The following GET1 variants were observed in gnomAD, a reference collection of about 807,000 sequenced individuals.
GET1 encodes the protein guided entry of tail-anchored proteins factor 1, also known as congenital heart disease 5 protein.
In GET1, 20 loss-of-function variants were observed where a neutral mutation model predicts 22.6. The ratio of observed to expected loss-of-function variants is 0.89; its 90% confidence interval spans 0.62 to 1.29. The LOEUF (loss-of-function observed/expected upper bound fraction) is 1.29. GET1 is among the 50% of genes most tolerant of loss of function. The pLI is 0.00. For missense variants in GET1, 209 were observed against 219.9 expected (o/e 0.95, Z 0.31); for synonymous variants, 92 against 83.8 (o/e 1.10, Z -0.53).
Position 39,419,543 on chromosome 21 carries a change from GAAAA to G in GET1, c.*23+8609_*23+8612del, listed in dbSNP as rs1601803834. ...CTGTTCAAAAAAAAAAAAGAAAAAA[GAAAA>G]AAGAAAGAAAGGGAAATTATTGATA... On this transcript the variant is annotated intron_variant, in intron 1 of 1. Coordinates refer to the GET1 transcript ENST00000478273. Among the ~76,000 whole-genome samples the G allele has an allele frequency of 1.4e-5, 2 of 138,834 alleles. 1 individual carries two copies. The allele number at this position is 138,834 out of a possible 152,430, so 91.1% of individuals were successfully genotyped here. A position where few individuals can be genotyped will look rare whatever the true frequency, so the allele number is the denominator to read the frequency against.
rs772467484 is a variant in GET1, at chr21:39,380,448, A to C, written c.64A>C (p.Asn22His). Residue 22 changes from asparagine (N) to histidine (H), a missense_variant, in exon 1 of 5, where the codon AAT (asparagine) becomes CAT (histidine). Asn to His is a moderately conservative substitution (Grantham distance 68, BLOSUM62 1). Coordinates refer to ENST00000649170, the MANE Select transcript of GET1 (RefSeq NM_004627.6). ...GGTGCTCAGCTTCGTGTTTGGATGC[A>C]ATGTTCTTAGGATCCTCCTCCCGTC... ...LLVLSFVFGC[N>H]VLRILLPSFS... The C allele has an allele frequency of 1.9e-6, 3 of 1,613,294 alleles. No individual in the cohort carries two copies. Among genetic ancestry groups the C allele is most frequent in the Admixed American group, 3.3e-5 (2 of 59,942 alleles).
intron 4 of GET1, chr21:39,405,760 G>T (rs2039005497): frequency 3.0e-6 from 2 of 664,908 alleles, no homozygotes; most frequent in Admixed American, 3.7e-5. Flanking sequence ...ATTATCGAAA[G>T]TCAATTAAGT....
At chr21:39,402,752 C>A (rs2038870944), downstream of GET1, among the ~76,000 whole-genome samples, 1 of 152,146 alleles carries the variant, frequency 6.6e-6, no homozygotes, top group African/African-American at 2.4e-5. Flanking sequence ...TTTTAAAAAT[C>A]TTTTTTCCAT....
chr21:39,394,163 C>T (rs2038489614), intron 4 of GET1, among the ~76,000 whole-genome samples: 1 of 151,920 alleles, frequency 6.6e-6, no homozygotes, highest in South Asian at 2.1e-4. Context: ...AACCCTATCT[C>T]TACTAAAATA....
chr21:39,390,781 A>G lies in GET1; in HGVS notation c.186A>G (p.Thr62=), dbSNP rs1198565735. The G allele has an allele frequency of 1.2e-6, 2 of 1,614,220 alleles. No homozygotes were observed. Among genetic ancestry groups the G allele is most frequent in the Non-Finnish European group, 1.7e-6 (2 of 1,180,038 alleles). ...AGGACATGAAGCAGGAGCTCTCCACAGTCAACATGATGGACGAGTTTGCCA... is the reference window on the plus strand; with the variant it reads ...AGGACATGAAGCAGGAGCTCTCCACGGTCAACATGATGGACGAGTTTGCCA... The part of the protein sequence containing the change: ...EIQDMKQELS[T]VNMMDEFARY... The change falls in exon 2 of 5, where the codon ACA becomes ACG. Residue 62 remains threonine (T), a synonymous_variant. Transcript: ENST00000649170.
At position 39,414,868 on chromosome 21, in the gene GET1, T is replaced by C. The variant is rs999954152; in HGVS notation, c.*23+3931T>C. Among the ~76,000 whole-genome samples the C allele has an allele frequency of 2.8e-4, 42 of 152,068 alleles. 1 individual carries two copies. Among genetic ancestry groups the C allele is most frequent in the African/African-American group, 5.1e-4 (21 of 41,396 alleles). The stretch of plus-strand genomic sequence containing the variant: ...CCCTTTTTATCTTCCAGAAATTCTT[T>C]GTTAGATCTGGTAGTTTTGGTATTC... On this transcript the variant is annotated intron_variant, in intron 1 of 1. Coordinates refer to the GET1 transcript ENST00000478273.
chr21:39,391,577 T>A, intron 2 of GET1, 192 bp from the exon 3 acceptor site: 4 of 547,252 alleles, frequency 7.3e-6, no homozygotes, highest in Admixed American at 6.6e-5. Flanking sequence ...AGTCGGATAC[T>A]ATTTTAAATA....
At chr21:39,383,839 C>G (rs2037717129) in intron 1 of GET1, among the ~76,000 whole-genome samples, 1 of 152,160 alleles carries the variant, frequency 6.6e-6, no homozygotes. Context: ...CTCCCAGGTT[C>G]AAGCAATTCT....
At chr21:39,381,900 G>C (rs1282178576) in intron 1 of GET1, among the ~76,000 whole-genome samples, 5 of 151,984 alleles carry the variant, frequency 3.3e-5, no homozygotes, top group Non-Finnish European at 5.9e-5. Context: ...ACCACGCCCA[G>C]GTATTTTTTT....
rs141686637 is a variant in GET1 at position 39,420,800 on chromosome 21, C to T, written c.*24-7432C>T. 57 of 1,612,622 alleles carry T rather than the reference C, an allele frequency of 3.5e-5. 1 individual carries two copies. The highest frequency in any genetic ancestry group is 4.4e-5 in the South Asian group (4 of 91,006). On this transcript the variant is annotated intron_variant, in intron 1 of 1. Transcript: ENST00000478273. ...CTTCCGAGTCTCAATAGCCAGCTGC[C>T]GGCTAAAGGCTCTGCAGTTCAACCT... is the stretch of plus-strand genomic sequence containing the variant.
downstream of GET1, among the ~76,000 whole-genome samples, chr21:39,407,310 C>G (rs2039244414): frequency 6.6e-6 from 1 of 152,122 alleles, no homozygotes; most frequent in South Asian, 2.1e-4. Flanking sequence ...ATCCAATTGG[C>G]AAATAATTTC....
At chr21:39,389,318 G>C (rs923688358) in intron 1 of GET1, among the ~76,000 whole-genome samples, 1 of 151,300 alleles carries the variant, frequency 6.6e-6, no homozygotes, top group African/African-American at 2.4e-5. Flanking sequence ...GTCTCACCCT[G>C]TCGCCCAGGC....
chr21:39,406,938 CAA>C (rs199584521), downstream of GET1, among the ~76,000 whole-genome samples: 583 of 152,200 alleles, frequency 3.8e-3, 2 homozygotes, highest in African/African-American at 0.013. Context: ...CCAGTTGAAA[CAA>C]TGATGGCTGG....
chr21:39,423,398 T>A, intron 1 of GET1: 1 of 1,609,134 alleles, frequency 6.2e-7, no homozygotes, highest in East Asian at 2.2e-5. Flanking sequence ...CGATGAGCCA[T>A]AGCATCTCTT....
intron 1 of GET1, 176 bp downstream of exon 1, chr21:39,380,662 C>T: frequency 7.1e-7 from 1 of 1,418,322 alleles, no homozygotes; most frequent in Non-Finnish European, 9.2e-7. Context: ...ACGCTTTACC[C>T]CAAAATCAGA....
intron 4 of GET1, among the ~76,000 whole-genome samples, chr21:39,396,611 C>T (rs964133001): frequency 6.9e-6 from 1 of 145,822 alleles, no homozygotes; most frequent in Non-Finnish European, 1.5e-5. Context: ...CGCTTGAGCC[C>T]GGGAGGCAGA....
chr21:39,420,680 C>T, intron 1 of GET1: 1 of 1,589,106 alleles, frequency 6.3e-7, no homozygotes, highest in Middle Eastern at 1.8e-4. Context: ...GGATTTCATT[C>T]TTACATTTTG....
exon 5 of GET1, chr21:39,405,950 T>C (rs759042256): frequency 6.2e-7 from 1 of 1,613,786 alleles, no homozygotes; most frequent in Non-Finnish European, 8.5e-7. Flanking sequence ...ACAGTTACTT[T>C]AGAGTCTCCG....
intron 1 of GET1, chr21:39,411,636 T>A (rs2040100539): frequency 1.5e-6 from 1 of 649,014 alleles, no homozygotes; most frequent in East Asian, 2.8e-5. Flanking sequence ...TTTGAAAATA[T>A]CCATTATTTT....
Sources: allele counts gnomAD v4.1 joint callset (sites outside exome capture counted in the v4.1 genomes callset), GRCh38; gene constraint gnomAD v4.1.1; transcripts MANE v1.5; gene names NCBI Gene and HGNC (gene_info 2026-07-23, HGNC 2026-07-21).